MAD1L1: variants seen among roughly 807,000 people sequenced by gnomAD.
MAD1L1 encodes mitotic spindle assembly checkpoint protein MAD1.
Under a neutral mutation model 96.9 loss-of-function variants are expected in MAD1L1, and 95 were observed. The ratio of observed to expected loss-of-function variants is 0.98; its 90% CI spans 0.83 to 1.16. The LOEUF is 1.16. Ranked by LOEUF, MAD1L1 falls within the 50% of genes most tolerant of loss-of-function variation. MAD1L1 has a pLI of 0.00. For missense variants in MAD1L1, 1,007 were observed against 954.4 expected (o/e 1.06, Z -0.73); for synonymous variants, 473 against 396.6 (o/e 1.19, Z -2.29).
chr7:1,897,754 C>G (rs951162841), intron 18 of MAD1L1, among the ~76,000 whole-genome samples: 1 of 152,242 alleles, frequency 6.6e-6, no homozygotes, highest in Non-Finnish European at 1.5e-5. Flanking sequence ...AGTCTGTCTA[C>G]CTTGCCCTGT....
At chr7:2,134,041 G>C (rs11973264) in intron 11 of MAD1L1, among the ~76,000 whole-genome samples, 22 of 152,190 alleles carry the variant, frequency 1.4e-4, no homozygotes, top group Non-Finnish European at 2.8e-4. Flanking sequence ...ATAAACTTTA[G>C]AATCTGTTGA....
intron 12 of MAD1L1, among the ~76,000 whole-genome samples, chr7:2,016,550 G>GCC (rs1474988605): frequency 1.3e-5 from 2 of 152,218 alleles, no homozygotes; most frequent in African/African-American, 2.4e-5. Context: ...CAGCACTGAT[G>GCC]ACTGCCTGGC....
chr7:2,226,583 G>A (rs1484106457), intron 3 of MAD1L1, among the ~76,000 whole-genome samples: 1 of 152,222 alleles, frequency 6.6e-6, no homozygotes, highest in African/African-American at 2.4e-5. Flanking sequence ...CTCAGCTGGA[G>A]GAAAAGGCAG....
At chr7:1,897,372 A>G (rs1786946011) in intron 18 of MAD1L1, among the ~76,000 whole-genome samples, 1 of 152,076 alleles carries the variant, frequency 6.6e-6, no homozygotes, top group Non-Finnish European at 1.5e-5. Context: ...CTCATCTCCC[A>G]CAGCCACCGC....
rs568588011 is a variant in MAD1L1 at position 1,904,074 on chromosome 7, T to C, written c.1808-5684A>G. 8.1e-4 allele frequency among the ~76,000 whole-genome samples: 65 copies of C among 80,144 alleles called. 1 individual carries two copies. The highest frequency in any genetic ancestry group is 1.5e-3 in the African/African-American group (34 of 22,920). The allele number at this position is 80,144 out of a possible 152,430, so 52.6% of individuals were successfully genotyped here. A position where few individuals can be genotyped will look rare whatever the true frequency, so the allele number is the denominator to read the frequency against. ...GAAGCACTGTTCCAGGCAGCGAGGA[T>C]GCAGTGGCCTACTGAAGACGCTCTT... On this transcript the variant is annotated intron_variant, in intron 17 of 18. Coordinates refer to ENST00000265854, the MANE Select transcript of MAD1L1 (RefSeq NM_001013836.2).
chr7:2,155,074 G>A (rs942341967), intron 10 of MAD1L1, among the ~76,000 whole-genome samples: 1 of 152,320 alleles, frequency 6.6e-6, no homozygotes, highest in Non-Finnish European at 1.5e-5. Flanking sequence ...ACGGGAGCCG[G>A]AGAGCCGCTC....
At chr7:1,868,368 C>T (rs1784879075) in intron 18 of MAD1L1, among the ~76,000 whole-genome samples, 1 of 152,180 alleles carries the variant, frequency 6.6e-6, no homozygotes, top group African/African-American at 2.4e-5. Context: ...GCTGCTGCCG[C>T]CCAGCACACA....
At chr7:1,870,857 A>T (rs559098147) in intron 18 of MAD1L1, among the ~76,000 whole-genome samples, 2 of 113,080 alleles carry the variant, frequency 1.8e-5, no homozygotes, top group South Asian at 6.8e-4. Flanking sequence ...CGACCATAAC[A>T]CCTGCCACGC....
At chr7:2,072,275 C>G (rs954297020) in intron 11 of MAD1L1, among the ~76,000 whole-genome samples, 1 of 152,210 alleles carries the variant, frequency 6.6e-6, no homozygotes, top group African/African-American at 2.4e-5. Flanking sequence ...TGGGGAAACA[C>G]CCCACATCTG....
intron 18 of MAD1L1, among the ~76,000 whole-genome samples, chr7:1,880,176 C>T (rs957341021): frequency 1.6e-4 from 24 of 152,342 alleles, no homozygotes; most frequent in African/African-American, 5.8e-4. Context: ...CTTCCGTATC[C>T]TCACAGTGTT....
At chr7:1,992,160 G>C (rs866109379) in intron 14 of MAD1L1, among the ~76,000 whole-genome samples, 2 of 149,220 alleles carry the variant, frequency 1.3e-5, no homozygotes, top group Non-Finnish European at 3.0e-5. Flanking sequence ...CCACCAGAGC[G>C]CCACTGCTGG....
chr7:2,156,768 C>G (rs180806279), intron 10 of MAD1L1, among the ~76,000 whole-genome samples: 66 of 149,082 alleles, frequency 4.4e-4, no homozygotes, highest in African/African-American at 1.6e-3. Flanking sequence ...TTACAGTGAG[C>G]TGAGACCACG....
intron 10 of MAD1L1, among the ~76,000 whole-genome samples, chr7:2,203,037 C>A (rs1267396895): frequency 6.6e-6 from 1 of 152,246 alleles, no homozygotes; most frequent in Non-Finnish European, 1.5e-5. Context: ...CCTCCCACCT[C>A]CCCAGCCCAG....
chr7:1,844,756 C>T (rs546065119), intron 18 of MAD1L1, among the ~76,000 whole-genome samples: 5 of 152,320 alleles, frequency 3.3e-5, no homozygotes, highest in South Asian at 2.1e-4. Flanking sequence ...TGGTTGCATC[C>T]GATCCTTCGA....
chr7:1,910,436 A>C (rs866613898), intron 17 of MAD1L1, among the ~76,000 whole-genome samples: 1 of 152,236 alleles, frequency 6.6e-6, no homozygotes, highest in African/African-American at 2.4e-5. Context: ...GCGTCAGCAC[A>C]GGGCCACCTC....
In MAD1L1 at chr7:1,936,786, G is replaced by C. The variant is rs376905987; in HGVS notation, c.1708C>G (p.Arg570Gly). 4 of 1,581,970 alleles carry C rather than the reference G, an allele frequency of 2.5e-6. No homozygotes were observed. Among genetic ancestry groups the C allele is most frequent in the Non-Finnish European group, 3.4e-6 (4 of 1,165,212 alleles). The change falls in exon 17 of 19, where the codon CGA becomes GGA. Residue 570 changes from arginine (R) to glycine (G), a missense_variant. By Grantham distance (125) the Arg-to-Gly change is moderately radical (BLOSUM62 -2). Coordinates refer to ENST00000265854, the MANE Select transcript of MAD1L1 (RefSeq NM_001013836.2). ...ATGGCGCGCAGGAGCCCGCGCAGTC[G>C]CTCGCACTCCGCCTGCAGCTGGCTG... ...DHSQLQAECE[R>G]LRGLLRAMER... is the part of the protein sequence containing the mutation.
At chr7:2,004,451 T>C (rs1393508399) in intron 13 of MAD1L1, among the ~76,000 whole-genome samples, 1 of 152,242 alleles carries the variant, frequency 6.6e-6, no homozygotes, top group Non-Finnish European at 1.5e-5. Flanking sequence ...TCAGTTCACA[T>C]GGCAACCTTG....
intron 12 of MAD1L1, among the ~76,000 whole-genome samples, chr7:2,048,013 G>A (rs186675658): frequency 1.5e-3 from 229 of 152,174 alleles, no homozygotes; most frequent in African/African-American, 5.0e-3. Context: ...ACATACATGC[G>A]CACACAAGTA....
At position 2,219,421 on chromosome 7, in the gene MAD1L1, C is replaced by T; in HGVS notation, c.507G>A (p.Leu169=). The change falls in exon 6 of 19, where the codon CTG becomes CTA. Residue 169 remains leucine (L), a synonymous_variant. Coordinates refer to ENST00000265854, the MANE Select transcript of MAD1L1 (RefSeq NM_001013836.2). The part of the protein sequence containing the change: ...INALKGRISE[L]QWSVMDQEMR... ...TCTCCTGGTCCATCACGCTCCACTG[C>T]AGTTCCGAGATCCTCCCCTTCAGTG... 1 of 1,613,594 alleles carries T rather than the reference C, an allele frequency of 6.2e-7. No individual in the cohort carries two copies. The highest frequency in any genetic ancestry group is 1.1e-5 in the South Asian group (1 of 90,868).
Sources: gnomAD v4.1 joint callset for allele counts (sites outside exome capture counted in the v4.1 genomes callset) on GRCh38, gnomAD v4.1.1 for gene constraint, MANE v1.5 for transcripts, NCBI Gene and HGNC (gene_info 2026-07-23, HGNC 2026-07-21) for gene names.